Variants in ZNF875 observed in about 807,000 individuals in gnomAD.
ZNF875 encodes the protein zinc finger protein 875.
ZNF875 carries 14 observed loss-of-function variants against 11.2 expected under a neutral mutation model. The observed-to-expected ratio is 1.26, with a 90% CI of 0.83 to 1.96. ZNF875 has a LOEUF of 1.96. Ranked by LOEUF, ZNF875 falls within the 30% of genes most tolerant of loss-of-function variation. ZNF875 has a pLI of 0.00. For missense variants in ZNF875, 752 were observed against 760.4 expected (o/e 0.99, Z 0.13); for synonymous variants, 301 against 281.1 (o/e 1.07, Z -0.71).
Position 37,363,055 on chromosome 19 carries a change from A to G in ZNF875, c.1203A>G (p.Gln401=), listed in dbSNP as rs1238060692. The G allele has an allele frequency of 4.3e-6, 7 of 1,613,900 alleles. No individual in the cohort carries two copies. The African/African-American group carries it at 8.0e-5, about 18-fold the overall frequency. Residue 401 remains glutamine, a synonymous_variant, in exon 5 of 5, where the codon CAA becomes CAG. Transcript: ENST00000392153. ...EKPYICRECE[Q]GFSQKSHLIR... is the part of the protein sequence containing the mutation. ...CTTACATTTGCAGGGAGTGTGAGCA[A>G]GGCTTTAGCCAGAAGTCACACCTCA...
intron 4 of ZNF875, among the ~76,000 whole-genome samples, chr19:37,353,511 A>T (rs2038318340): frequency 6.6e-6 from 1 of 152,208 alleles, no homozygotes; most frequent in Non-Finnish European, 1.5e-5. Context: ...CACATTTCTT[A>T]TGCTCTTCAC....
chr19:37,320,890 C>A (rs561403972), intron 1 of ZNF875, among the ~76,000 whole-genome samples: 1 of 152,302 alleles, frequency 6.6e-6, no homozygotes, highest in African/African-American at 2.4e-5. Flanking sequence ...ATTATTCTGC[C>A]TTGAGATGCT....
At chr19:37,317,520 C>G (rs1483127745), upstream of ZNF875, among the ~76,000 whole-genome samples, 5 of 152,332 alleles carry the variant, frequency 3.3e-5, no homozygotes, top group East Asian at 9.6e-4. Flanking sequence ...AAAGTTGGGT[C>G]TCTGTGTTCA....
At chr19:37,358,319 G>A (rs1325687704) in intron 4 of ZNF875, among the ~76,000 whole-genome samples, 1 of 150,220 alleles carries the variant, frequency 6.7e-6, no homozygotes, top group Non-Finnish European at 1.5e-5. Flanking sequence ...CTATATTTTT[G>A]TATTTTTTTA....
chr19:37,350,271 G>C (rs62109241), intron 4 of ZNF875, among the ~76,000 whole-genome samples: 2 of 151,364 alleles, frequency 1.3e-5, no homozygotes, highest in Admixed American at 1.3e-4. Flanking sequence ...CACCACGCCC[G>C]GCTAACTTTT....
upstream of ZNF875, among the ~76,000 whole-genome samples, chr19:37,317,534 G>A (rs1427283673): frequency 6.6e-6 from 1 of 152,230 alleles, no homozygotes; most frequent in Non-Finnish European, 1.5e-5. Flanking sequence ...GTGTTCACCG[G>A]GAGGTGGGCA....
In ZNF875 at chr19:37,334,681, G is replaced by A. The variant is rs1318893902; in HGVS notation, c.-158G>A. ...GTCGGTGGCCCAGGCGCGTTAAGCT[G>A]GTTGGGACCCGGGAAGGCCTCCCTC... On this transcript the variant is annotated 5_prime_UTR_variant, in exon 1 of 5. Transcript: ENST00000392153. 2.2e-6 allele frequency: 1 copy of A among 456,076 alleles called. No individual in the cohort carries two copies. Among genetic ancestry groups the A allele is most frequent in the Non-Finnish European group, 4.4e-6 (1 of 226,812 alleles). 28.3% of individuals were successfully genotyped at this position (456,076 alleles called of 1,614,324 possible). A position where few individuals can be genotyped will look rare whatever the true frequency, so the allele number is the denominator to read the frequency against.
Position 37,364,121 on chromosome 19 carries a change from C to T in ZNF875, c.*346C>T, listed in dbSNP as rs547765577. On this transcript the variant is annotated 3_prime_UTR_variant, in exon 5 of 5. Coordinates refer to ENST00000392153, the MANE Select transcript of ZNF875 (RefSeq NM_001353803.2). ...CCAACCTTAAAGCTGAAGACAGTCCCGGCTAAATCCTCATACTGAATTGAG... is the reference window on the plus strand; with the variant it reads ...CCAACCTTAAAGCTGAAGACAGTCCTGGCTAAATCCTCATACTGAATTGAG... 18 of 248,460 alleles carry T rather than the reference C, an allele frequency of 7.2e-5. No homozygotes were observed. The highest frequency in any genetic ancestry group is 3.3e-4 in the South Asian group (4 of 12,250). The allele number at this position is 248,460 out of a possible 1,614,324, so 15.4% of individuals were successfully genotyped here. A position where few individuals can be genotyped will look rare whatever the true frequency, so the allele number is the denominator to read the frequency against.
intron 2 of ZNF875, 116 bp from the exon 3 acceptor site, chr19:37,347,074 C>T: frequency 6.9e-7 from 1 of 1,439,858 alleles, no homozygotes; most frequent in Non-Finnish European, 9.7e-7. Flanking sequence ...ACCTTGGCCT[C>T]CCAAAGTGCT....
intron 2 of ZNF875, chr19:37,344,792 A>G (rs752687215): frequency 3.6e-6 from 5 of 1,390,910 alleles, no homozygotes; most frequent in Non-Finnish European, 5.1e-6. Context: ...TAAATGTGTT[A>G]AAGTAACACT....
chr19:37,327,469 C>A (rs532723094), intron 4 of ZNF875, among the ~76,000 whole-genome samples: 3 of 151,784 alleles, frequency 2.0e-5, no homozygotes, highest in African/African-American at 7.2e-5. Context: ...TAAACTAATA[C>A]GGAATTTCAT....
chr19:37,345,280 C>T (rs900273184), intron 2 of ZNF875, among the ~76,000 whole-genome samples: 10 of 152,190 alleles, frequency 6.6e-5, no homozygotes, highest in African/African-American at 2.2e-4. Context: ...CTCATCTGTG[C>T]TCTTCTCTTG....
Position 37,327,239 on chromosome 19 carries a change from C to T in ZNF875, c.-603+2974C>T, listed in dbSNP as rs181639507. ...AACTCCTGACCTCAGGTGATCCGCCCACCTCGGCCTCCCAAAATGCTGGTA... is the reference window on the plus strand; with the variant it reads ...AACTCCTGACCTCAGGTGATCCGCCTACCTCGGCCTCCCAAAATGCTGGTA... On this transcript the variant is annotated intron_variant, in intron 4 of 5. Transcript: ENST00000544914. Among the ~76,000 whole-genome samples the T allele has an allele frequency of 2.5e-3, 383 of 151,960 alleles. 4 individuals are homozygous for T. Among genetic ancestry groups the T allele is most frequent in the African/African-American group, 8.7e-3 (362 of 41,486 alleles).
intron 4 of ZNF875, among the ~76,000 whole-genome samples, chr19:37,327,660 G>A (rs2032709737): frequency 6.6e-6 from 1 of 151,468 alleles, no homozygotes; most frequent in South Asian, 2.1e-4. Context: ...AGCTACTTGG[G>A]AGGCTGAGGC....
intron 4 of ZNF875, among the ~76,000 whole-genome samples, chr19:37,353,032 C>G (rs2038209853): frequency 6.6e-6 from 1 of 151,560 alleles, no homozygotes; most frequent in Admixed American, 6.6e-5. Context: ...CGCTACTACG[C>G]CCAGCTAATT....
chr19:37,337,176 C>T (rs2034647247), intron 2 of ZNF875: 1 of 152,188 alleles, frequency 6.6e-6, no homozygotes, highest in Non-Finnish European at 1.5e-5. Flanking sequence ...ATCAGCTGCA[C>T]TTTCTGCAGT....
intron 4 of ZNF875, chr19:37,329,120 T>G (rs980074365): frequency 6.6e-6 from 1 of 152,214 alleles, no homozygotes; most frequent in Non-Finnish European, 1.5e-5. Context: ...GTTGAGTTCA[T>G]GCCACCGAAT....
At chr19:37,364,455 A>G (rs1190413260), downstream of ZNF875, 1 of 152,342 alleles carries the variant, frequency 6.6e-6, no homozygotes, top group African/African-American at 2.4e-5. Context: ...TCACCCTTCA[A>G]TTGTCAGTGT....
chr19:37,317,313 A>G (rs1181936312), upstream of ZNF875, among the ~76,000 whole-genome samples: 1 of 149,246 alleles, frequency 6.7e-6, no homozygotes, highest in African/African-American at 2.5e-5. Flanking sequence ...AGCCTCTCCG[A>G]GTAGCTGGGA....
Sources: gnomAD v4.1 joint callset for allele counts (sites outside exome capture counted in the v4.1 genomes callset) on GRCh38, gnomAD v4.1.1 for gene constraint, MANE v1.5 for transcripts, NCBI Gene and HGNC (gene_info 2026-07-23, HGNC 2026-07-21) for gene names.